The following RCAN1 variants were observed in gnomAD, a reference collection of about 807,000 sequenced individuals.
RCAN1 encodes the protein calcipressin-1.
A neutral mutation model predicts 22.9 loss-of-function variants in RCAN1; 11 were observed. The observed-to-expected ratio is 0.48, with a 90% CI of 0.30 to 0.79. The LOEUF (loss-of-function observed/expected upper bound fraction) is 0.79, where lower values mean the gene tolerates loss of function less well. Among genes scored for constraint, RCAN1 ranks in the 30% least tolerant of loss-of-function variants. The pLI is 0.06. For synonymous variants in RCAN1, 136 were observed against 142.3 expected, an observed-to-expected ratio of 0.96 and a Z score of 0.32; for missense variants, 291 against 337.8, an observed-to-expected ratio of 0.86 and a Z score of 1.09.
chr21:34,588,820 A>G (rs1181733856), intron 1 of RCAN1, among the ~76,000 whole-genome samples: 1 of 152,244 alleles, frequency 6.6e-6, no homozygotes, highest in Non-Finnish European at 1.5e-5. Flanking sequence ...AATGTAGTCC[A>G]TCCATACAGT....
intron 1 of RCAN1, among the ~76,000 whole-genome samples, chr21:34,541,804 G>C (rs1397440500): frequency 3.3e-5 from 5 of 152,170 alleles, no homozygotes; most frequent in Non-Finnish European, 7.4e-5. Context: ...CGTGGTGGCG[G>C]GTGCCTGTAA....
At chr21:34,589,129 T>C (rs761328921) in intron 1 of RCAN1, among the ~76,000 whole-genome samples, 1 of 152,220 alleles carries the variant, frequency 6.6e-6, no homozygotes, top group Non-Finnish European at 1.5e-5. Context: ...ACCTCTGAAC[T>C]GTACATGTAA....
At chr21:34,568,924 G>A (rs1477848580) in intron 1 of RCAN1, among the ~76,000 whole-genome samples, 4 of 152,198 alleles carry the variant, frequency 2.6e-5, no homozygotes, top group East Asian at 1.9e-4. Flanking sequence ...ATCATGGTGA[G>A]AGACAAAAGG....
intron 1 of RCAN1, among the ~76,000 whole-genome samples, chr21:34,558,416 A>C (rs7278348): frequency 0.24 from 36,643 of 152,012 alleles, 5,120 homozygotes; most frequent in African/African-American, 0.39. Context: ...GTGACTGAGA[A>C]TTGAGATGAC....
intron 1 of RCAN1, among the ~76,000 whole-genome samples, chr21:34,533,841 C>A (rs9984897): frequency 6.6e-6 from 1 of 151,952 alleles, no homozygotes; most frequent in Non-Finnish European, 1.5e-5. Flanking sequence ...GGGAGTGAAC[C>A]GTTGGATGCT....
chr21:34,596,458 G>A (rs753495625), intron 1 of RCAN1, among the ~76,000 whole-genome samples: 105 of 152,250 alleles, frequency 6.9e-4, no homozygotes, highest in Non-Finnish European at 1.2e-3. Flanking sequence ...TGCAAGCAGG[G>A]CTGTGGCTCC....
At chr21:34,552,532 G>A (rs1191088978) in intron 1 of RCAN1, among the ~76,000 whole-genome samples, 1 of 152,136 alleles carries the variant, frequency 6.6e-6, no homozygotes, top group Non-Finnish European at 1.5e-5. Flanking sequence ...CCTGGTTTAC[G>A]AGATTTTTTC....
At chr21:34,612,164 T>C (rs2268274) in intron 1 of RCAN1, among the ~76,000 whole-genome samples, 6,913 of 152,232 alleles carry the variant, frequency 0.045, 236 homozygotes, top group Admixed American at 0.1. Context: ...CTACCAGGTC[T>C]CCTTGCTTCC....
intron 1 of RCAN1, among the ~76,000 whole-genome samples, chr21:34,593,486 T>C (rs1988039243): frequency 6.6e-6 from 1 of 152,232 alleles, no homozygotes; most frequent in South Asian, 2.1e-4. Flanking sequence ...TTCACAACAT[T>C]ATGAAACGAT....
chr21:34,592,290 A>AAG (rs1438886990), intron 1 of RCAN1, among the ~76,000 whole-genome samples: 1 of 152,222 alleles, frequency 6.6e-6, no homozygotes, highest in African/African-American at 2.4e-5. Flanking sequence ...TGCTGGGCTC[A>AAG]GACACACTCC....
chr21:34,531,744 A>T (rs1419567807), intron 1 of RCAN1, among the ~76,000 whole-genome samples: 1 of 152,060 alleles, frequency 6.6e-6, no homozygotes. Context: ...TCCAAGACAA[A>T]TGGCTTATAT....
intron 1 of RCAN1, among the ~76,000 whole-genome samples, chr21:34,577,507 G>T (rs1301220735): frequency 6.6e-6 from 1 of 152,162 alleles, no homozygotes; most frequent in Non-Finnish European, 1.5e-5. Context: ...GCTGAGGTGG[G>T]AGGATCACTT....
intron 1 of RCAN1, among the ~76,000 whole-genome samples, chr21:34,598,167 T>C (rs77328504): frequency 0.019 from 2,885 of 152,320 alleles, 76 homozygotes; most frequent in South Asian, 0.1. Context: ...CATTTTCGTT[T>C]TCATTCTTGT....
intron 1 of RCAN1, among the ~76,000 whole-genome samples, chr21:34,594,803 G>A (rs1036737167): frequency 6.6e-6 from 1 of 152,186 alleles, no homozygotes; most frequent in African/African-American, 2.4e-5. Context: ...AAACTCGCCA[G>A]GCCTCCGTGT....
chr21:34,573,693 T>A (rs186775382), intron 1 of RCAN1, among the ~76,000 whole-genome samples: 1 of 152,332 alleles, frequency 6.6e-6, no homozygotes, highest in Non-Finnish European at 1.5e-5. Flanking sequence ...TGTTCCTGCA[T>A]CTGGACTCTT....
intron 1 of RCAN1, among the ~76,000 whole-genome samples, chr21:34,537,306 C>T (rs563534347): frequency 6.6e-6 from 1 of 152,352 alleles, no homozygotes; most frequent in East Asian, 1.9e-4. Context: ...TATCTGATTC[C>T]TAAGAGCTGT....
At chr21:34,562,694 C>T (rs932436590) in intron 1 of RCAN1, among the ~76,000 whole-genome samples, 7 of 152,188 alleles carry the variant, frequency 4.6e-5, no homozygotes, top group South Asian at 2.1e-4. Flanking sequence ...GCTCAGCCCT[C>T]GCCACCTTTG....
chr21:34,563,768 A>T (rs67047811), intron 1 of RCAN1, among the ~76,000 whole-genome samples: 3,412 of 87,446 alleles, frequency 0.039, 46 homozygotes, highest in East Asian at 0.045. Flanking sequence ...AAAAAAAAAA[A>T]AAATATATAT....
At chr21:34,552,426 C>A (rs143095794) in intron 1 of RCAN1, among the ~76,000 whole-genome samples, 1 of 152,154 alleles carries the variant, frequency 6.6e-6, no homozygotes, top group Admixed American at 6.5e-5. Flanking sequence ...TGATACTATG[C>A]GATGTTAAGT....
Sources: allele counts gnomAD v4.1 joint callset (sites outside exome capture counted in the v4.1 genomes callset), GRCh38; gene constraint gnomAD v4.1.1; transcripts MANE v1.5; gene names NCBI Gene and HGNC (gene_info 2026-07-23, HGNC 2026-07-21).